Variants in IGF2R observed in about 807,000 individuals in gnomAD.
IGF2R encodes insulin like growth factor 2 receptor, also known as cation-independent mannose-6-phosphate receptor.
IGF2R carries 91 observed loss-of-function variants against 270.6 expected under a neutral mutation model. The ratio of observed to expected loss-of-function variants is 0.34; its 90% CI spans 0.28 to 0.40. The LOEUF (loss-of-function observed/expected upper bound fraction) is 0.40, where lower values mean the gene tolerates loss of function less well. Ranked by LOEUF, IGF2R falls within the 10% of genes least tolerant of loss-of-function variation. The probability of loss-of-function intolerance (pLI) is 1.00; values close to 1 mark genes in which losing one functional copy is unlikely to be tolerated. For missense variants in IGF2R, 2,805 were observed against 3,188.3 expected, an observed-to-expected ratio of 0.88 and a Z score of 2.90; for synonymous variants, 1,316 against 1,258.9, an observed-to-expected ratio of 1.05 and a Z score of -0.96.
intron 22 of IGF2R, 31 bp from the exon 23 acceptor site, chr6:160,060,514 GTC>G: frequency 6.2e-7 from 1 of 1,610,732 alleles, no homozygotes; most frequent in Non-Finnish European, 8.5e-7. Context: ...ATACTGTTCT[GTC>G]TCTTAAAATC....
chr6:160,007,256 A>G (rs1313739319), intron 2 of IGF2R: 2 of 152,244 alleles, frequency 1.3e-5, no homozygotes, highest in African/African-American at 4.8e-5. Context: ...TGAGTGGAGT[A>G]ACTAGGTCAT....
At chr6:160,076,087 T>C (rs1198808493) in intron 36 of IGF2R, 91 bp downstream of exon 36, 5 of 1,239,844 alleles carry the variant, frequency 4.0e-6, no homozygotes, top group Admixed American at 1.8e-5. Context: ...GGTCCAAGGA[T>C]ACTCTTATTC....
Position 160,009,147 on chromosome 6 carries a change from A to T in IGF2R, c.414+13A>T. The stretch of plus-strand genomic sequence containing the variant: ...TGGGAAAACCCTGGTGAGTCCACAC[A>T]GGCACTTGATGTATTTCTTTAAAAA... On this transcript the variant is annotated intron_variant, in intron 3 of 47. Coordinates refer to ENST00000356956, the MANE Select transcript of IGF2R (RefSeq NM_000876.4). 6.2e-7 allele frequency: 1 copy of T among 1,608,794 alleles called. No individual in the cohort carries two copies. Among genetic ancestry groups the T allele is most frequent in the Non-Finnish European group, 8.5e-7 (1 of 1,177,848 alleles).
At chr6:160,007,275 C>T (rs994934504) in intron 2 of IGF2R, 2 of 152,186 alleles carry the variant, frequency 1.3e-5, no homozygotes, top group African/African-American at 2.4e-5. Flanking sequence ...ATAGGGCACA[C>T]GAATGTTCAA....
intron 2 of IGF2R, chr6:160,006,460 A>AGCTGTCCACGAGGC (rs1784239662): frequency 6.6e-6 from 1 of 150,882 alleles, no homozygotes. Context: ...CAGGCGCGGG[A>AGCTGTCCACGAGGC]GCTGTCCACG....
chr6:160,033,429 C>T (rs8191765), intron 9 of IGF2R, among the ~76,000 whole-genome samples: 1 of 152,256 alleles, frequency 6.6e-6, no homozygotes, highest in East Asian at 1.9e-4. Flanking sequence ...TGCCTTGGGA[C>T]TGGCCTGCAT....
chr6:160,040,775 T>G, intron 11 of IGF2R, 51 bp downstream of exon 11: 1 of 1,546,624 alleles, frequency 6.5e-7, no homozygotes, highest in Non-Finnish European at 8.8e-7. Flanking sequence ...CATGGAACAT[T>G]TTCCCATGAG....
At chr6:160,078,059 CT>C in intron 36 of IGF2R, 141 bp from the exon 37 acceptor site, 1 of 766,386 alleles carries the variant, frequency 1.3e-6, no homozygotes, top group South Asian at 1.7e-5. Flanking sequence ...GGCATTGGGT[CT>C]TTCAGCTGCT....
intron 2 of IGF2R, among the ~76,000 whole-genome samples, chr6:159,996,793 T>G (rs1784060611): frequency 6.6e-6 from 1 of 152,210 alleles, no homozygotes; most frequent in Admixed American, 6.5e-5. Context: ...CACACACATT[T>G]GTAGCTCTCC....
intron 11 of IGF2R, 124 bp downstream of exon 11, chr6:160,040,848 T>C: frequency 1.1e-6 from 1 of 896,770 alleles, no homozygotes; most frequent in Non-Finnish European, 1.7e-6. Flanking sequence ...CCTCCCCCAG[T>C]TTTTTCATGT....
chr6:160,088,992 A>G, intron 42 of IGF2R, 115 bp from the exon 43 acceptor site: 1 of 1,059,588 alleles, frequency 9.4e-7, no homozygotes, highest in Non-Finnish European at 1.3e-6. Flanking sequence ...GTCTCGCAGC[A>G]CCTTGACTGA....
At chr6:160,007,484 CAT>C (rs1743805727) in intron 2 of IGF2R, 1 of 152,202 alleles carries the variant, frequency 6.6e-6, no homozygotes, top group East Asian at 1.9e-4. Flanking sequence ...CATGTCTTAA[CAT>C]ATTTATTGAT....
intron 13 of IGF2R, 40 bp downstream of exon 13, chr6:160,044,697 G>T: frequency 6.5e-7 from 1 of 1,543,514 alleles, no homozygotes; most frequent in South Asian, 1.2e-5. Flanking sequence ...TCTGGCTTCT[G>T]CCAGAGGTCC....
chr6:160,096,062 C>T (rs56296641), intron 44 of IGF2R: 13,957 of 163,630 alleles, frequency 0.085, 920 homozygotes, highest in East Asian at 0.32. Context: ...CTGTTAGATA[C>T]TTCAGAGGCT....
intron 4 of IGF2R, among the ~76,000 whole-genome samples, chr6:160,012,763 ATTTTTTTTTTTT>A (rs370417751): frequency 1.1e-3 from 141 of 127,446 alleles, no homozygotes; most frequent in East Asian, 3.2e-3. Flanking sequence ...ATATATATAT[ATTTTTTTTTTTT>A]TTTGTTTGTT....
At chr6:160,062,663 G>C (rs1376158989) in intron 26 of IGF2R, 44 bp downstream of exon 26, 8 of 1,394,742 alleles carry the variant, frequency 5.7e-6, no homozygotes, top group African/African-American at 1.4e-5. Context: ...AATGTATAGA[G>C]TAGCAGACGT....
At chr6:160,052,357 C>G (rs1778218628) in intron 19 of IGF2R, among the ~76,000 whole-genome samples, 1 of 152,096 alleles carries the variant, frequency 6.6e-6, no homozygotes, top group African/African-American at 2.4e-5. Context: ...AATAAAATAC[C>G]TAGGAATCCA....
intron 45 of IGF2R, among the ~76,000 whole-genome samples, chr6:160,100,820 T>A: frequency 9.5e-6 from 1 of 105,252 alleles, no homozygotes; most frequent in Non-Finnish European, 1.9e-5. Flanking sequence ...AGACAGAGAC[T>A]TGCTCTTTTG....
chr6:159,991,230 A>G lies in IGF2R; in HGVS notation c.196A>G (p.Ile66Val), dbSNP rs766465285. The G allele has an allele frequency of 4.3e-6, 7 of 1,613,574 alleles. No homozygotes were observed. The highest frequency in any genetic ancestry group is 1.1e-5 in the South Asian group (1 of 90,954). ...TACCAAAAATAATGTACTTTATAAA[A>G]TCAACATCTGTGGAAGTGTGGATAT... ...VDTKNNVLYK[I>V]NICGSVDIVQ... Residue 66 changes from isoleucine (I) to valine (V), a missense_variant, in exon 2 of 48, where the codon ATC (isoleucine) becomes GTC (valine). Transcript: ENST00000356956.
Sources: allele counts gnomAD v4.1 joint callset (sites outside exome capture counted in the v4.1 genomes callset), GRCh38; gene constraint gnomAD v4.1.1; transcripts MANE v1.5; gene names NCBI Gene and HGNC (gene_info 2026-07-23, HGNC 2026-07-21).